The following SH3D19 variants were observed in gnomAD, a reference collection of about 807,000 sequenced individuals.
SH3D19 encodes SH3 domain containing 19.
A neutral mutation model predicts 112.1 loss-of-function variants in SH3D19; 58 were observed. That is an observed-to-expected ratio of 0.52 (90% CI 0.42 to 0.64). The LOEUF is 0.64. Ranked by LOEUF, SH3D19 falls within the 30% of genes least tolerant of loss-of-function variation. SH3D19 has a pLI of 0.00. For missense variants in SH3D19, 1,090 were observed against 1,263.4 expected, an observed-to-expected ratio of 0.86 and a Z score of 2.08; for synonymous variants, 391 against 448.5, an observed-to-expected ratio of 0.87 and a Z score of 1.62.
At chr4:151,152,818 CTT>C (rs549985721) in intron 9 of SH3D19, among the ~76,000 whole-genome samples, 124 of 151,706 alleles carry the variant, frequency 8.2e-4, no homozygotes, top group African/African-American at 2.6e-3. Flanking sequence ...TGTGCCTAGA[CTT>C]TTGCTACATA....
chr4:151,247,105 A>C (rs1161464997), intron 1 of SH3D19, among the ~76,000 whole-genome samples: 1 of 152,104 alleles, frequency 6.6e-6, no homozygotes, highest in Non-Finnish European at 1.5e-5. Flanking sequence ...TTATTTTTCA[A>C]ATGTGATCCT....
intron 1 of SH3D19, among the ~76,000 whole-genome samples, chr4:151,281,076 C>T (rs1774176353): frequency 6.6e-6 from 1 of 152,020 alleles, no homozygotes; most frequent in African/African-American, 2.4e-5. Flanking sequence ...AAGAGAATCC[C>T]TAAGAAAGTC....
At chr4:151,297,829 C>T (rs1256009761) in intron 1 of SH3D19, among the ~76,000 whole-genome samples, 1 of 152,158 alleles carries the variant, frequency 6.6e-6, no homozygotes, top group African/African-American at 2.4e-5. Flanking sequence ...GATTAAGTAT[C>T]CTGAGATGGG....
intron 2 of SH3D19, among the ~76,000 whole-genome samples, chr4:151,212,020 G>T (rs2407414): frequency 6.6e-6 from 1 of 152,096 alleles, no homozygotes; most frequent in Non-Finnish European, 1.5e-5. Context: ...GGAAGAAGGT[G>T]CCATCTAGGA....
At chr4:151,132,752 T>C (rs542878633) in intron 16 of SH3D19, among the ~76,000 whole-genome samples, 17 of 152,270 alleles carry the variant, frequency 1.1e-4, no homozygotes, top group African/African-American at 3.9e-4. Context: ...CCGCCCACCG[T>C]GGCCTCTCAA....
At chr4:151,287,341 C>CAAA in intron 1 of SH3D19, among the ~76,000 whole-genome samples, 1 of 82,382 alleles carries the variant, frequency 1.2e-5, no homozygotes, top group East Asian at 3.1e-4. Flanking sequence ...ACTCTGTCTC[C>CAAA]AAAAAAAAAA....
chr4:151,171,784 G>A (rs1759108582), intron 7 of SH3D19, among the ~76,000 whole-genome samples: 1 of 152,206 alleles, frequency 6.6e-6, no homozygotes, highest in Non-Finnish European at 1.5e-5. Flanking sequence ...TCTGGTCTGT[G>A]TAATGGGGCT....
In SH3D19 at chr4:151,148,162, T is replaced by C. The variant is rs1252632332; in HGVS notation, c.1842A>G (p.Pro614=). 5 of 1,606,512 alleles carry C rather than the reference T, an allele frequency of 3.1e-6. No homozygotes were observed. Among genetic ancestry groups the C allele is most frequent in the Non-Finnish European group, 4.2e-6 (5 of 1,177,926 alleles). ...GCACCTTGGTTGGAGGCTGTTGAGTTGGAATGGTTTTTCCATTCACAGGTC... is the reference window on the plus strand; with the variant it reads ...GCACCTTGGTTGGAGGCTGTTGAGTCGGAATGGTTTTTCCATTCACAGGTC... ...PPRPVNGKTI[P]TQQPPTKVPP... is the part of the protein sequence containing the mutation. The change falls in exon 11 of 20, where the codon CCA becomes CCG. Residue 614 remains proline (P), a synonymous_variant. Transcript: ENST00000604030.
At chr4:151,202,835 A>G (rs1764588773) in intron 2 of SH3D19, among the ~76,000 whole-genome samples, 1 of 152,232 alleles carries the variant, frequency 6.6e-6, no homozygotes. Flanking sequence ...GGGCCCTTCT[A>G]AACACCCAAA....
At chr4:151,256,064 TAA>T (rs1242229826) in intron 1 of SH3D19, among the ~76,000 whole-genome samples, 2 of 132,808 alleles carry the variant, frequency 1.5e-5, no homozygotes, top group African/African-American at 2.6e-5. Flanking sequence ...TGAATTATAA[TAA>T]AGATTTTAAA....
chr4:151,289,994 A>T (rs1438500775), intron 1 of SH3D19, among the ~76,000 whole-genome samples: 1 of 152,204 alleles, frequency 6.6e-6, no homozygotes, highest in African/African-American at 2.4e-5. Flanking sequence ...TTGCTCTGTC[A>T]CCCAGGTTGA....
chr4:151,283,494 G>A (rs1023639264), intron 1 of SH3D19, among the ~76,000 whole-genome samples: 2 of 147,556 alleles, frequency 1.4e-5, no homozygotes, highest in African/African-American at 5.0e-5. Context: ...CAATACTAAC[G>A]ACTGGTCATT....
At chr4:151,201,445 T>C (rs886984528) in intron 2 of SH3D19, among the ~76,000 whole-genome samples, 3 of 152,188 alleles carry the variant, frequency 2.0e-5, no homozygotes, top group African/African-American at 7.2e-5. Context: ...TTCCCGAGTG[T>C]TTTCTACGTT....
At chr4:151,131,533 CG>C (rs1248856850) in intron 17 of SH3D19, among the ~76,000 whole-genome samples, 1 of 148,306 alleles carries the variant, frequency 6.7e-6, no homozygotes, top group Non-Finnish European at 1.5e-5. Context: ...GTCTCCCAGG[CG>C]GGAGTGCAGT....
intron 2 of SH3D19, among the ~76,000 whole-genome samples, chr4:151,189,221 C>A (rs774629112): frequency 6.6e-6 from 1 of 152,062 alleles, no homozygotes; most frequent in Non-Finnish European, 1.5e-5. Flanking sequence ...TCACACCATT[C>A]TCCTGCCTCA....
In SH3D19 at chr4:151,146,915, T is replaced by G. The variant is rs147181166; in HGVS notation, c.2082+1007A>C. ...ACATTAAAAGAGAACAAAATCAATA[T>G]CTCAACTATTGATGAAAACTTCTAA... On this transcript the variant is annotated intron_variant, in intron 11 of 19. Transcript: ENST00000604030. Among the ~76,000 whole-genome samples, 13 of 152,290 alleles carry G rather than the reference T, an allele frequency of 8.5e-5. No homozygotes were observed. The East Asian group carries it at 1.5e-3, about 18-fold the overall frequency.
At chr4:151,272,438 G>A (rs1773293294) in intron 1 of SH3D19, among the ~76,000 whole-genome samples, 2 of 152,056 alleles carry the variant, frequency 1.3e-5, no homozygotes, top group Admixed American at 1.3e-4. Flanking sequence ...GGGTTAAGAG[G>A]GTCCCACCTT....
chr4:151,310,861 C>T (rs1247781018), intron 1 of SH3D19, among the ~76,000 whole-genome samples: 3 of 151,772 alleles, frequency 2.0e-5, no homozygotes, highest in Non-Finnish European at 2.9e-5. Flanking sequence ...GTATGATTCA[C>T]CATGCCTGGC....
intron 14 of SH3D19, among the ~76,000 whole-genome samples, chr4:151,135,421 ATTT>A (rs34291277): frequency 5.7e-5 from 5 of 87,488 alleles, no homozygotes; most frequent in East Asian, 3.8e-4. Flanking sequence ...TCTCTATCTC[ATTT>A]TTTTTTTTTT....
Sources: allele counts gnomAD v4.1 joint callset (sites outside exome capture counted in the v4.1 genomes callset), GRCh38; gene constraint gnomAD v4.1.1; transcripts MANE v1.5; gene names NCBI Gene and HGNC (gene_info 2026-07-23, HGNC 2026-07-21).